Variants in IFT81 observed in about 807,000 individuals in gnomAD.
IFT81 encodes the protein intraflagellar transport 81.
A neutral mutation model predicts 102.6 loss-of-function variants in IFT81; 72 were observed. The ratio of observed to expected loss-of-function variants is 0.70; its 90% confidence interval spans 0.58 to 0.85. The LOEUF (loss-of-function observed/expected upper bound fraction) is 0.85. IFT81 is among the 40% of genes least tolerant of loss of function. IFT81 has a pLI of 0.00. For missense variants in IFT81, 723 were observed against 787.3 expected, an observed-to-expected ratio of 0.92 and a Z score of 0.98; for synonymous variants, 237 against 242.7, an observed-to-expected ratio of 0.98 and a Z score of 0.22.
At chr12:110,203,526 C>G in intron 14 of IFT81, 1 of 231,018 alleles carries the variant, frequency 4.3e-6, no homozygotes, top group African/African-American at 2.3e-5. Flanking sequence ...TGTGTGCCTT[C>G]TGTAACACCT....
At chr12:110,192,847 A>G (rs1897856255) in intron 14 of IFT81, 141 bp downstream of exon 14, 3 of 540,148 alleles carry the variant, frequency 5.6e-6, no homozygotes, top group East Asian at 3.3e-5. Context: ...TATTGATACA[A>G]TTCTTCAAAA....
At chr12:110,138,868 C>G (rs959828733) in intron 8 of IFT81, among the ~76,000 whole-genome samples, 1 of 152,108 alleles carries the variant, frequency 6.6e-6, no homozygotes, top group South Asian at 2.1e-4. Flanking sequence ...TCTTAGTGAC[C>G]TTGTATTTAA....
chr12:110,176,732 G>A (rs1007691338), intron 11 of IFT81, among the ~76,000 whole-genome samples: 1 of 152,156 alleles, frequency 6.6e-6, no homozygotes, highest in Admixed American at 6.5e-5. Flanking sequence ...ATGTAACTGT[G>A]ATTGATCTGA....
At chr12:110,159,713 T>C (rs1419039733) in intron 10 of IFT81, among the ~76,000 whole-genome samples, 2 of 152,190 alleles carry the variant, frequency 1.3e-5, no homozygotes, top group East Asian at 3.8e-4. Context: ...TCCCTCTCTT[T>C]GTCTGCACCT....
chr12:110,205,725 C>T, intron 17 of IFT81, 45 bp downstream of exon 17: 1 of 1,218,380 alleles, frequency 8.2e-7, no homozygotes, highest in South Asian at 1.4e-5. Context: ...AATATTTTCA[C>T]CAATAAAAGT....
intron 17 of IFT81, among the ~76,000 whole-genome samples, chr12:110,206,580 C>T (rs1295889218): frequency 2.6e-5 from 4 of 150,962 alleles, no homozygotes; most frequent in Non-Finnish European, 5.9e-5. Context: ...GAGGCCGAGG[C>T]GTGGGAATCG....
intron 11 of IFT81, among the ~76,000 whole-genome samples, chr12:110,178,414 C>CAAAA (rs75333089): frequency 5.2e-5 from 3 of 57,956 alleles, no homozygotes; most frequent in Admixed American, 1.9e-4. Context: ...GACTCCATCT[C>CAAAA]AAAAAAAAAA....
chr12:110,135,274 A>T (rs963293630), intron 6 of IFT81, 53 bp from the exon 7 acceptor site: 1 of 1,164,532 alleles, frequency 8.6e-7, no homozygotes, highest in Non-Finnish European at 1.3e-6. Flanking sequence ...TGACATGCTA[A>T]TTTTTTTCTT....
chr12:110,157,537 T>A (rs1440381571), intron 10 of IFT81, among the ~76,000 whole-genome samples: 1 of 152,174 alleles, frequency 6.6e-6, no homozygotes, highest in Non-Finnish European at 1.5e-5. Flanking sequence ...AGTTTCTTCT[T>A]CTTCTTAGAT....
In IFT81 at chr12:110,218,083, G is replaced by A. The variant is rs376352975; in HGVS notation, c.1888G>A (p.Gly630Ser). ...EKQKVIRESH[G>S]PNMKQAKMWR... The stretch of plus-strand genomic sequence containing the variant: ...ACAAAAAGTTATACGAGAAAGTCAT[G>A]GTCCAAATATGAAACAAGCAAAAAT... Residue 630 changes from glycine to serine, a missense_variant, in exon 19 of 19, where the codon GGT (glycine) becomes AGT (serine). Gly to Ser is a moderately conservative substitution (Grantham distance 56). Transcript: ENST00000242591. 5 of 1,602,816 alleles carry A rather than the reference G, an allele frequency of 3.1e-6. No individual in the cohort carries two copies. The South Asian group carries it at 4.5e-5, about 15-fold the overall frequency.
At chr12:110,143,220 A>G (rs1343045895) in intron 8 of IFT81, among the ~76,000 whole-genome samples, 162 bp from the exon 9 acceptor site, 3 of 152,212 alleles carry the variant, frequency 2.0e-5, no homozygotes, top group African/African-American at 7.2e-5. Context: ...GTAATTAACA[A>G]TAAAATATTT....
intron 11 of IFT81, among the ~76,000 whole-genome samples, chr12:110,177,086 TA>T (rs1296998377): frequency 6.6e-6 from 1 of 152,250 alleles, no homozygotes; most frequent in Admixed American, 6.5e-5. Context: ...AGACTTCAGG[TA>T]CATTAGTATG....
At chr12:110,186,591 G>A (rs995678002) in intron 12 of IFT81, among the ~76,000 whole-genome samples, 1 of 151,654 alleles carries the variant, frequency 6.6e-6, no homozygotes, top group Non-Finnish European at 1.5e-5. Flanking sequence ...TCGGCTCATT[G>A]CAGCCTCTAC....
chr12:110,183,028 T>G (rs1897374063), intron 12 of IFT81, among the ~76,000 whole-genome samples: 1 of 152,216 alleles, frequency 6.6e-6, no homozygotes, highest in African/African-American at 2.4e-5. Context: ...GGCCTTACGT[T>G]TAAGACACTG....
intron 11 of IFT81, among the ~76,000 whole-genome samples, chr12:110,172,656 C>T (rs998642732): frequency 2.3e-4 from 35 of 152,132 alleles, no homozygotes; most frequent in Non-Finnish European, 4.1e-4. Context: ...CCGGAGGTGC[C>T]GGGATTGCAG....
At chr12:110,207,594 A>C (rs1593374969) in intron 17 of IFT81, among the ~76,000 whole-genome samples, 2 of 106,550 alleles carry the variant, frequency 1.9e-5, no homozygotes, top group African/African-American at 7.7e-5. Flanking sequence ...ACGGAGTCTC[A>C]CTCTGTTGCC....
intron 14 of IFT81, among the ~76,000 whole-genome samples, chr12:110,202,643 T>TG (rs1898351301): frequency 6.6e-6 from 1 of 151,810 alleles, no homozygotes; most frequent in East Asian, 1.9e-4. Flanking sequence ...TTAGTAGAGA[T>TG]GGGGTTTTAC....
chr12:110,143,514 G>A lies in IFT81; in HGVS notation c.914G>A (p.Gly305Asp), dbSNP rs1895019948. The A allele has an allele frequency of 6.4e-7, 1 of 1,553,960 alleles. No homozygotes were observed. The highest frequency in any genetic ancestry group is 2.4e-5 in the East Asian group (1 of 42,032). ...AAAGTAGTTTCAGAGCCAGCTATGG[G>A]CCATTCTGATCTTCTTGAACTTGAA... ...LQKVVSEPAM[G>D]HSDLLELESK... is the part of the protein sequence containing the mutation. Residue 305 changes from glycine (G) to aspartate (D), a missense_variant, in exon 9 of 19, where the codon GGC becomes GAC. Physicochemically the swap from Gly to Asp is moderately conservative, Grantham distance 94 (BLOSUM62 -1). Transcript: ENST00000242591.
At position 110,136,836 on chromosome 12, in the gene IFT81, G is replaced by C; in HGVS notation, c.757G>C (p.Ala253Pro). ...AAACCAGCTGAAAAGCATGCGCCAA[G>C]CTGCAGCAGATGCAAAGCCTGAAAG... ...VQNQLKSMRQ[A>P]AADAKPESLM... The change falls in exon 8 of 19, where the codon GCT becomes CCT. Residue 253 changes from alanine to proline, a missense_variant. By Grantham distance (27) the Ala-to-Pro change is conservative (BLOSUM62 -1). Coordinates refer to ENST00000242591, the MANE Select transcript of IFT81 (RefSeq NM_014055.4). The C allele has an allele frequency of 1.9e-6, 3 of 1,611,638 alleles. No individual in the cohort carries two copies. The highest frequency in any genetic ancestry group is 2.5e-6 in the Non-Finnish European group (3 of 1,178,080).
Sources: allele counts gnomAD v4.1 joint callset (sites outside exome capture counted in the v4.1 genomes callset), GRCh38; gene constraint gnomAD v4.1.1; transcripts MANE v1.5; gene names NCBI Gene and HGNC (gene_info 2026-07-23, HGNC 2026-07-21).